PRKCB: variants seen among roughly 807,000 people sequenced by gnomAD.
PRKCB encodes the protein protein kinase C beta type.
Under a neutral mutation model 81.5 loss-of-function variants are expected in PRKCB, and 13 were observed. The ratio of observed to expected loss-of-function variants is 0.16; its 90% CI spans 0.10 to 0.25. The LOEUF (loss-of-function observed/expected upper bound fraction) is 0.25, where lower values mean the gene tolerates loss of function less well. PRKCB is among the 10% of genes least tolerant of loss of function. PRKCB has a pLI of 1.00. For missense variants in PRKCB, 509 were observed against 875.7 expected (o/e 0.58, Z 5.29); for synonymous variants, 335 against 321.4 (o/e 1.04, Z -0.45).
chr16:23,910,873 G>C (rs1017698198), intron 2 of PRKCB, among the ~76,000 whole-genome samples: 1 of 151,606 alleles, frequency 6.6e-6, no homozygotes, highest in Non-Finnish European at 1.5e-5. Flanking sequence ...AACTAATTCC[G>C]TTTCTGTAGA....
intron 1 of PRKCB, among the ~76,000 whole-genome samples, chr16:23,836,556 G>T (rs1962161965): frequency 6.6e-6 from 1 of 152,138 alleles, no homozygotes; most frequent in African/African-American, 2.4e-5. Context: ...CAGACGGGCC[G>T]CCGCGGGGCG....
chr16:24,108,559 CG>C (rs1162439597), intron 7 of PRKCB, among the ~76,000 whole-genome samples: 1 of 144,412 alleles, frequency 6.9e-6, no homozygotes, highest in East Asian at 2.0e-4. Context: ...TGACTCTTAA[CG>C]AGCATGCTGC....
chr16:23,911,418 A>T (rs1000920276), intron 2 of PRKCB, among the ~76,000 whole-genome samples: 2 of 151,826 alleles, frequency 1.3e-5, no homozygotes, highest in African/African-American at 4.8e-5. Flanking sequence ...ATGCGCTACC[A>T]TGCCTGGTCC....
chr16:23,914,174 A>G (rs1017703108), intron 2 of PRKCB, among the ~76,000 whole-genome samples: 1 of 151,954 alleles, frequency 6.6e-6, no homozygotes, highest in African/African-American at 2.4e-5. Context: ...TGCCCAGCTA[A>G]TTTTCATTTT....
At chr16:23,844,821 A>C (rs2141076922) in intron 2 of PRKCB, among the ~76,000 whole-genome samples, 1 of 149,970 alleles carries the variant, frequency 6.7e-6, no homozygotes, top group East Asian at 2.0e-4. Context: ...TTTTTTGTTT[A>C]GACAAACTCT....
chr16:24,124,454 C>T (rs1005698798), intron 9 of PRKCB, among the ~76,000 whole-genome samples: 8 of 152,198 alleles, frequency 5.3e-5, no homozygotes, highest in East Asian at 1.9e-4. Flanking sequence ...CACAGTGCAG[C>T]GGGGAGCCAT....
intron 7 of PRKCB, among the ~76,000 whole-genome samples, chr16:24,102,886 G>T (rs1966526217): frequency 6.6e-6 from 1 of 152,070 alleles, no homozygotes; most frequent in African/African-American, 2.4e-5. Context: ...TAAAAATAAT[G>T]AATAGCTTTT....
At position 23,950,132 on chromosome 16, in the gene PRKCB, A is replaced by AGTTTTTTTTTTTTTTTTTTT. The variant is rs55986931; in HGVS notation, c.206-38376_206-38375insGTTTTTTTTTTTTTTTTTTT. 1.1e-4 allele frequency among the ~76,000 whole-genome samples: 11 copies of AGTTTTTTTTTTTTTTTTTTT among 97,760 alleles called. 4 individuals carry two copies. The highest frequency in any genetic ancestry group is 2.5e-4 in the African/African-American group (6 of 24,092). 64.1% of individuals were successfully genotyped at this position (97,760 alleles called of 152,430 possible). ...AGCAGCATTGGCCCCTATGATTTGA[A>AGTTTTTTTTTTTTTTTTTTT]TTTTTTTTTTTTTTTTTTTTTTTTT... On this transcript the variant is annotated intron_variant, in intron 2 of 16. Coordinates refer to ENST00000643927, the MANE Select transcript of PRKCB (RefSeq NM_002738.7).
intron 8 of PRKCB, among the ~76,000 whole-genome samples, chr16:24,120,034 C>T (rs867396136): frequency 1.4e-4 from 21 of 152,084 alleles, no homozygotes; most frequent in East Asian, 5.8e-4. Context: ...GACAAATTAC[C>T]GATTTATGCA....
chr16:23,889,416 T>C (rs972918300), intron 2 of PRKCB, among the ~76,000 whole-genome samples: 1 of 152,260 alleles, frequency 6.6e-6, no homozygotes, highest in African/African-American at 2.4e-5. Flanking sequence ...CAGTAGTGCC[T>C]GGGTCATAGC....
chr16:24,179,104 A>G (rs575241530), intron 12 of PRKCB, among the ~76,000 whole-genome samples: 4 of 152,352 alleles, frequency 2.6e-5, no homozygotes, highest in South Asian at 4.1e-4. Context: ...AAATGCACTT[A>G]TCCCTTTCCT....
intron 12 of PRKCB, chr16:24,175,033 G>C (rs1386746161): frequency 6.5e-6 from 1 of 153,454 alleles, no homozygotes; most frequent in African/African-American, 2.4e-5. Context: ...TGCCCTGAAA[G>C]ACAGGATTAA....
chr16:24,184,938 G>A (rs907643267), intron 13 of PRKCB, among the ~76,000 whole-genome samples, 173 bp from the exon 14 acceptor site: 5 of 152,180 alleles, frequency 3.3e-5, no homozygotes, highest in Non-Finnish European at 5.9e-5. Flanking sequence ...ACAGCCACAG[G>A]TGTTTGCCCA....
intron 4 of PRKCB, among the ~76,000 whole-genome samples, chr16:24,033,666 G>A (rs187166106): frequency 7.9e-4 from 121 of 152,286 alleles, no homozygotes; most frequent in African/African-American, 2.8e-3. Context: ...GGAGGCTGAG[G>A]CAGGAAAATC....
intron 10 of PRKCB, among the ~76,000 whole-genome samples, chr16:24,171,509 C>T (rs1967441363): frequency 6.6e-6 from 1 of 152,058 alleles, no homozygotes; most frequent in African/African-American, 2.4e-5. Flanking sequence ...GGGGAAGGTA[C>T]TACACAAGAA....
intron 2 of PRKCB, among the ~76,000 whole-genome samples, chr16:23,921,360 G>GTGC (rs1387573941): frequency 6.6e-6 from 1 of 152,152 alleles, no homozygotes; most frequent in Non-Finnish European, 1.5e-5. Flanking sequence ...GACAGGTAAG[G>GTGC]TGCTGGTACC....
At chr16:23,992,872 A>G (rs1350211167) in intron 3 of PRKCB, among the ~76,000 whole-genome samples, 1 of 152,164 alleles carries the variant, frequency 6.6e-6, no homozygotes, top group African/African-American at 2.4e-5. Flanking sequence ...GAAGCTGGGG[A>G]CATTGAGCCC....
rs377378071 is a variant in PRKCB, at chr16:23,859,428, G to A, written c.205+22022G>A. On this transcript the variant is annotated intron_variant, in intron 2 of 16. Coordinates refer to ENST00000643927, the MANE Select transcript of PRKCB (RefSeq NM_002738.7). ...CGTGGTCTGGCTGGCATAGTCAGCC[G>A]CCCTGTGATGGGCAGGGGGAAGCTG... Among the ~76,000 whole-genome samples the A allele has an allele frequency of 2.0e-4, 30 of 152,328 alleles. 1 individual carries two copies. In the South Asian group the frequency reaches 4.1e-3, roughly 21 times the overall value.
chr16:24,170,995 TC>T (rs1967432707), intron 10 of PRKCB, among the ~76,000 whole-genome samples: 1 of 152,270 alleles, frequency 6.6e-6, no homozygotes, highest in African/African-American at 2.4e-5. Flanking sequence ...GGACATGCCT[TC>T]CTAGATTACT....
Sources: allele counts gnomAD v4.1 joint callset (sites outside exome capture counted in the v4.1 genomes callset), GRCh38; gene constraint gnomAD v4.1.1; transcripts MANE v1.5; gene names NCBI Gene and HGNC (gene_info 2026-07-23, HGNC 2026-07-21).